Variants in MUC12 observed in about 807,000 individuals in gnomAD.
The protein encoded by MUC12 is mucin-12.
MUC12 carries 172 observed loss-of-function variants against 230.8 expected under a neutral mutation model. That is an observed-to-expected ratio of 0.75 (90% confidence interval 0.66 to 0.85). The LOEUF is 0.85. MUC12 is among the 40% of genes least tolerant of loss of function. MUC12 has a pLI of 0.00. For missense variants in MUC12, 3,506 were observed against 5,920.6 expected (o/e 0.59, Z 13.38); for synonymous variants, 1,259 against 2,401.9 (o/e 0.52, Z 13.91).
At position 101,006,452 on chromosome 7, in the gene MUC12, G is replaced by A; in HGVS notation, c.14957-19G>A. The A allele has an allele frequency of 6.6e-7, 1 of 1,524,174 alleles. No individual in the cohort carries two copies. The highest frequency in any genetic ancestry group is 1.7e-4 in the Middle Eastern group (1 of 5,972). The allele number at this position is 1,524,174 out of a possible 1,614,324, so 94.4% of individuals were successfully genotyped here. A position where few individuals can be genotyped will look rare whatever the true frequency, so the allele number is the denominator to read the frequency against. The stretch of plus-strand genomic sequence containing the variant: ...TTTGGGCTCCCACGGTGACTGCTGT[G>A]GATTCTATCTCTCCACAGGGTTGTG... On this transcript the variant is annotated intron_variant, in intron 2 of 11. Coordinates refer to ENST00000536621, the MANE Select transcript of MUC12 (RefSeq NM_001164462.2).
chr7:101,013,873 G>T, intron 8 of MUC12, 40 bp from the exon 9 acceptor site: 1 of 1,504,982 alleles, frequency 6.6e-7, no homozygotes. Flanking sequence ...TGGATGTGAG[G>T]GATCCCAGGG....
intron 8 of MUC12, 81 bp downstream of exon 8, chr7:101,013,223 G>A: frequency 6.7e-7 from 1 of 1,482,696 alleles, no homozygotes; most frequent in Admixed American, 2.0e-5. Context: ...CCACAGGGTT[G>A]GGGGATTGAG....
chr7:100,974,717 T>A (rs1792989428), intron 1 of MUC12, among the ~76,000 whole-genome samples: 3 of 152,274 alleles, frequency 2.0e-5, no homozygotes, highest in Admixed American at 2.0e-4. Flanking sequence ...CCCAGCTACT[T>A]GGGAGGCTGA....
intron 1 of MUC12, among the ~76,000 whole-genome samples, chr7:100,970,267 A>T (rs900465150): frequency 1.3e-5 from 2 of 152,242 alleles, no homozygotes; most frequent in Non-Finnish European, 2.9e-5. Context: ...TGGGTGGATC[A>T]CCTGAGGTTG....
At chr7:101,009,508 C>T (rs576332690) in intron 5 of MUC12, among the ~76,000 whole-genome samples, 1 of 152,204 alleles carries the variant, frequency 6.6e-6, no homozygotes, top group South Asian at 2.1e-4. Context: ...AAAAGCAAAG[C>T]TTGGTGTGGC....
chr7:101,014,336 G>T (rs778444380), intron 9 of MUC12: 1 of 346,938 alleles, frequency 2.9e-6, no homozygotes, highest in African/African-American at 2.1e-5. Flanking sequence ...ATAAACAATA[G>T]AAGTTTATTT....
chr7:100,992,535 T>G lies in MUC12; in HGVS notation c.1972T>G (p.Ser658Ala). 6.5e-7 allele frequency: 1 copy of G among 1,537,978 alleles called. No homozygotes were observed. ...PTTTSAFVEP[S>A]TTSHGSPSSI... ...TACCACATCAGCCTTTGTTGAGCCA[T>G]CTACAACCTCCCACGGCAGCCCGAG... Residue 658 changes from serine to alanine, a missense_variant, in exon 2 of 12, where the codon TCT becomes GCT. Transcript: ENST00000536621.
At position 100,992,399 on chromosome 7, in the gene MUC12, C is replaced by G. The variant is rs563532408; in HGVS notation, c.1836C>G (p.Thr612=). Reference sequence around the variant, plus strand: ...CATCTATGCCCGTCCACAGCAGCACCAGATCGCCACACACAACACTGTCCC... The same window carrying G: ...CATCTATGCCCGTCCACAGCAGCACGAGATCGCCACACACAACACTGTCCC... ...LEASMPVHSS[T]RSPHTTLSPA... Residue 612 remains threonine, a synonymous_variant, in exon 2 of 12, where the codon ACC becomes ACG. Transcript: ENST00000536621. The G allele has an allele frequency of 4.6e-6, 7 of 1,537,342 alleles. No homozygotes were observed. Among genetic ancestry groups the G allele is most frequent in the Admixed American group, 2.0e-5 (1 of 50,968 alleles).
At chr7:101,011,786 T>C (rs1793842683) in intron 5 of MUC12, among the ~76,000 whole-genome samples, 1 of 152,148 alleles carries the variant, frequency 6.6e-6, no homozygotes, top group Non-Finnish European at 1.5e-5. Context: ...TCTCCATTTG[T>C]CTGTTGATGG....
chr7:100,987,122 A>G (rs1457715645), intron 1 of MUC12, among the ~76,000 whole-genome samples: 1 of 133,004 alleles, frequency 7.5e-6, no homozygotes, highest in East Asian at 2.3e-4. Context: ...GCTGGAGTGC[A>G]ATGGTGCAAT....
In MUC12 at chr7:101,005,097, G is replaced by T. The variant is rs1239063860; in HGVS notation, c.14534G>T (p.Gly4845Val). ...TVSPASTTVP[G>V]LSEESTTFYS... ...TCACCTGCCAGCACCACAGTGCCAG[G>T]CCTTAGTGAGGAATCTACCACCTTC... Residue 4845 changes from glycine (G) to valine (V), a missense_variant, in exon 2 of 12, where the codon GGC (glycine) becomes GTC (valine). By Grantham distance (109) the Gly-to-Val change is moderately radical (BLOSUM62 -3). Coordinates refer to ENST00000536621, the MANE Select transcript of MUC12 (RefSeq NM_001164462.2). 1 of 1,537,880 alleles carries T rather than the reference G, an allele frequency of 6.5e-7. No individual in the cohort carries two copies. Among genetic ancestry groups the T allele is most frequent in the Non-Finnish European group, 8.7e-7 (1 of 1,147,046 alleles).
rs780047483 is a variant in MUC12, at chr7:100,980,029, CT to C, written c.67+10352del. ...GCACATTGAGAACTCGCCTCTCTCT[CT>C]TTTTTTTTTTTCGTTGTTGTTGTTT... On this transcript the variant is annotated intron_variant, in intron 1 of 11. Transcript: ENST00000536621. 2.1e-3 allele frequency among the ~76,000 whole-genome samples: 305 copies of C among 142,766 alleles called. 1 individual carries two copies. Among genetic ancestry groups the C allele is most frequent in the African/African-American group, 5.9e-3 (229 of 39,140 alleles). 93.7% of individuals were successfully genotyped at this position (142,766 alleles called of 152,430 possible).
At chr7:101,006,316 C>A (rs1014093412) in intron 2 of MUC12, among the ~76,000 whole-genome samples, 155 bp from the exon 3 acceptor site, 1 of 152,082 alleles carries the variant, frequency 6.6e-6, no homozygotes, top group Non-Finnish European at 1.5e-5. Flanking sequence ...CTCCCGGGGG[C>A]AGAGGTGGCA....
intron 1 of MUC12, among the ~76,000 whole-genome samples, chr7:100,975,517 T>TACGC (rs1554465482): frequency 6.6e-6 from 1 of 152,312 alleles, no homozygotes; most frequent in Non-Finnish European, 1.5e-5. Context: ...GTAATAAACT[T>TACGC]ATTCAGCAAA....
chr7:100,992,446 A>C lies in MUC12; in HGVS notation c.1883A>C (p.Gln628Pro). The C allele has an allele frequency of 1.3e-6, 2 of 1,537,956 alleles. No homozygotes were observed. The highest frequency in any genetic ancestry group is 8.7e-7 in the Non-Finnish European group (1 of 1,147,064). Reference protein sequence around the residue: ...TLSPAGSTTRQGESTTFHSWP... With the variant: ...TLSPAGSTTRPGESTTFHSWP... ...TCCCCTGCCGGCTCTACAACCCGTC[A>C]GGGAGAATCTACCACATTCCATAGC... Residue 628 changes from glutamine (Q) to proline (P), a missense_variant, in exon 2 of 12, where the codon CAG becomes CCG. Physicochemically the swap from Gln to Pro is moderately conservative, Grantham distance 76 (BLOSUM62 -1). Coordinates refer to ENST00000536621, the MANE Select transcript of MUC12 (RefSeq NM_001164462.2).
intron 2 of MUC12, among the ~76,000 whole-genome samples, chr7:101,005,800 A>AT (rs58353499): frequency 7.6e-4 from 112 of 146,670 alleles, no homozygotes; most frequent in Middle Eastern, 3.5e-3. Flanking sequence ...TCTTCTCTGG[A>AT]TTTTTTTTTT....
At position 100,995,712 on chromosome 7, in the gene MUC12, C is replaced by A; in HGVS notation, c.5149C>A (p.His1717Asn). ...SAFVELSTTSHGSPSSTPTTH... is the reference protein window; with the variant it reads ...SAFVELSTTSNGSPSSTPTTH... ...CTTTGTTGAGCTATCTACAACCTCC[C>A]ACGGCAGCCCGAGCTCAACTCCAAC... Residue 1717 changes from histidine (H) to asparagine (N), a missense_variant, in exon 2 of 12, where the codon CAC becomes AAC. Transcript: ENST00000536621. The A allele has an allele frequency of 1.3e-6, 2 of 1,536,860 alleles. No homozygotes were observed. Among genetic ancestry groups the A allele is most frequent in the Non-Finnish European group, 8.7e-7 (1 of 1,146,932 alleles).
At chr7:101,018,495 C>T in intron 11 of MUC12, 100 bp from the exon 12 acceptor site, 1 of 1,141,238 alleles carries the variant, frequency 8.8e-7, no homozygotes, top group Non-Finnish European at 1.3e-6. Context: ...CTCCCTCCCC[C>T]TGGGGTTCCC....
intron 1 of MUC12, chr7:100,981,604 G>T (rs1006335511): frequency 9.3e-6 from 4 of 432,362 alleles, no homozygotes; most frequent in African/African-American, 8.2e-5. Flanking sequence ...CTCAAGCTTG[G>T]TGTGACCTGC....
Sources: allele counts gnomAD v4.1 joint callset (sites outside exome capture counted in the v4.1 genomes callset), GRCh38; gene constraint gnomAD v4.1.1; transcripts MANE v1.5; gene names NCBI Gene and HGNC (gene_info 2026-07-23, HGNC 2026-07-21).